The following WWOX variants were observed in gnomAD, a reference collection of about 807,000 sequenced individuals.
The protein encoded by WWOX is WW domain containing oxidoreductase.
A neutral mutation model predicts 46.2 loss-of-function variants in WWOX; 69 were observed. That is an observed-to-expected ratio of 1.49 (90% CI 1.23 to 1.82). The LOEUF is 1.82. WWOX is among the 40% of genes most tolerant of loss of function. The pLI, the probability that WWOX is intolerant of heterozygous loss-of-function variation, is 0.00. For missense variants in WWOX, 919 were observed against 542.6 expected (o/e 1.69, Z -6.89); for synonymous variants, 359 against 202.6 (o/e 1.77, Z -6.56).
In WWOX at chr16:78,455,106, G is replaced by T. The variant is rs143849859; in HGVS notation, c.1056+22354G>T. Among the ~76,000 whole-genome samples the T allele has an allele frequency of 3.4e-3, 524 of 152,322 alleles. 2 individuals are homozygous for T. Among genetic ancestry groups the T allele is most frequent in the Middle Eastern group, 0.01 (3 of 294 alleles). On this transcript the variant is annotated intron_variant, in intron 8 of 8. Transcript: ENST00000566780. ...AAAGGGAGGTGAGATGAGCAGCACT[G>T]GGATGTGTGGCTTTTCTGTCTTGAG...
intron 8 of WWOX, among the ~76,000 whole-genome samples, chr16:78,500,734 G>C (rs893029630): frequency 6.6e-6 from 1 of 152,192 alleles, no homozygotes; most frequent in African/African-American, 2.4e-5. Flanking sequence ...GGAAGCCCCA[G>C]TAATATCATT....
At chr16:78,942,024 TC>T (rs2045861430) in intron 8 of WWOX, among the ~76,000 whole-genome samples, 1 of 152,194 alleles carries the variant, frequency 6.6e-6, no homozygotes, top group Admixed American at 6.5e-5. Context: ...AGCATTTCTT[TC>T]CCACTCTCTA....
At chr16:78,667,746 T>G (rs2047366673) in intron 8 of WWOX, among the ~76,000 whole-genome samples, 1 of 152,056 alleles carries the variant, frequency 6.6e-6, no homozygotes, top group Non-Finnish European at 1.5e-5. Flanking sequence ...ACTCTGCTCA[T>G]TGTTCAAATG....
At chr16:78,717,401 T>G (rs1409948932) in intron 8 of WWOX, among the ~76,000 whole-genome samples, 2 of 152,182 alleles carry the variant, frequency 1.3e-5, no homozygotes, top group African/African-American at 4.8e-5. Context: ...ATTCATTGAC[T>G]TATAGACTGA....
chr16:78,356,639 T>A (rs1325460902), intron 5 of WWOX, among the ~76,000 whole-genome samples: 1 of 152,104 alleles, frequency 6.6e-6, no homozygotes, highest in African/African-American at 2.4e-5. Context: ...TCCAAGCACT[T>A]TGGGAGGCCA....
At chr16:78,416,487 C>G (rs1269458754) in intron 6 of WWOX, among the ~76,000 whole-genome samples, 1 of 152,182 alleles carries the variant, frequency 6.6e-6, no homozygotes, top group African/African-American at 2.4e-5. Flanking sequence ...GTGCAATTAA[C>G]ATTAATGAAG....
At chr16:78,623,210 T>C (rs138759453) in intron 8 of WWOX, among the ~76,000 whole-genome samples, 2 of 152,136 alleles carry the variant, frequency 1.3e-5, no homozygotes, top group East Asian at 1.9e-4. Context: ...ATAATAAATG[T>C]ATGTGGCTTT....
intron 8 of WWOX, among the ~76,000 whole-genome samples, chr16:79,186,139 G>C (rs1019189347): frequency 6.6e-6 from 1 of 152,136 alleles, no homozygotes; most frequent in African/African-American, 2.4e-5. Context: ...GTTCCTAAAG[G>C]ATACATCCAG....
intron 8 of WWOX, among the ~76,000 whole-genome samples, chr16:79,027,369 C>G (rs1253973620): frequency 2.0e-5 from 3 of 150,774 alleles, no homozygotes; most frequent in South Asian, 2.1e-4. Context: ...AATGAAAATT[C>G]TTCATTGTTA....
chr16:78,838,741 G>A (rs2052058948), intron 8 of WWOX, among the ~76,000 whole-genome samples: 1 of 152,184 alleles, frequency 6.6e-6, no homozygotes, highest in Non-Finnish European at 1.5e-5. Context: ...AACTCGGGAG[G>A]CTGAGACAGG....
chr16:78,668,108 G>T (rs139414083), intron 8 of WWOX, among the ~76,000 whole-genome samples: 1 of 151,986 alleles, frequency 6.6e-6, no homozygotes, highest in Non-Finnish European at 1.5e-5. Context: ...GTGAAGCCCC[G>T]TCTCTACTAA....
chr16:78,115,045 G>A lies in WWOX; in HGVS notation c.300G>A (p.Lys100=). 6.2e-7 allele frequency: 1 copy of A among 1,614,188 alleles called. No homozygotes were observed. Among genetic ancestry groups the A allele is most frequent in the Non-Finnish European group, 8.5e-7 (1 of 1,180,038 alleles). ...TTACTGTGGATGATAATCCGACCAAGCCAACCACCCGGCAAAGATACGACG... is the reference window on the plus strand; with the variant it reads ...TTACTGTGGATGATAATCCGACCAAACCAACCACCCGGCAAAGATACGACG... The part of the protein sequence containing the change: ...LAFTVDDNPT[K]PTTRQRYDGS... Residue 100 remains lysine (K), a synonymous_variant, in exon 4 of 9, where the codon AAG becomes AAA. Transcript: ENST00000566780.
At chr16:79,185,188 C>T (rs184705109) in intron 8 of WWOX, among the ~76,000 whole-genome samples, 250 of 152,244 alleles carry the variant, frequency 1.6e-3, no homozygotes, top group African/African-American at 5.6e-3. Context: ...TTTCTTTTCT[C>T]CTAGTTTCAG....
rs536669931 is a variant in WWOX at position 79,077,127 on chromosome 16, C to T, written c.1057-134481C>T. Among the ~76,000 whole-genome samples, 17 of 152,296 alleles carry T rather than the reference C, an allele frequency of 1.1e-4. No individual in the cohort carries two copies. In the East Asian group the frequency reaches 3.1e-3, roughly 28 times the overall value. ...AGGATTTGAACCCACTGCTCTCCAA[C>T]CCCTAAGCCCGTGCTTTGTAGAATT... On this transcript the variant is annotated intron_variant, in intron 8 of 8. Coordinates refer to ENST00000566780, the MANE Select transcript of WWOX (RefSeq NM_016373.4).
At chr16:78,813,467 A>C (rs531167798) in intron 8 of WWOX, among the ~76,000 whole-genome samples, 11 of 152,258 alleles carry the variant, frequency 7.2e-5, no homozygotes, top group African/African-American at 2.2e-4. Context: ...CATCTATTCT[A>C]ATTTCTGGGG....
At chr16:79,166,485 C>G (rs2050596879) in intron 8 of WWOX, among the ~76,000 whole-genome samples, 1 of 152,290 alleles carries the variant, frequency 6.6e-6, no homozygotes, top group Admixed American at 6.5e-5. Context: ...TCCTATTTTT[C>G]AACGAGAGTT....
chr16:78,358,482 A>T lies in WWOX; in HGVS notation c.517-28378A>T, dbSNP rs55969221. On this transcript the variant is annotated intron_variant, in intron 5 of 8. Coordinates refer to ENST00000566780, the MANE Select transcript of WWOX (RefSeq NM_016373.4). ...AGACCAGCCTGGCCAACATGGTGAA[A>T]CCCTGTCTCTACTAAAAATACAAAA... Among the ~76,000 whole-genome samples, 9 of 152,208 alleles carry T rather than the reference A, an allele frequency of 5.9e-5. 1 individual carries two copies. The South Asian group carries it at 1.9e-3, about 32-fold the overall frequency.
intron 5 of WWOX, among the ~76,000 whole-genome samples, chr16:78,226,221 G>T (rs2151802307): frequency 6.6e-6 from 1 of 152,194 alleles, no homozygotes; most frequent in African/African-American, 2.4e-5. Context: ...TCTCCAGTTT[G>T]AGTTTAGGTT....
In WWOX at chr16:78,734,841, CTTTTTTTTTTTTTTTTTTTTTTTTTT is replaced by C. The variant is rs60560119; in HGVS notation, c.1056+302106_1056+302131del. 5.0e-4 allele frequency among the ~76,000 whole-genome samples: 20 copies of C among 40,086 alleles called. No homozygotes were observed. The East Asian group carries it at 5.0e-3, about 10-fold the overall frequency. 26.3% of individuals were successfully genotyped at this position (40,086 alleles called of 152,430 possible). On this transcript the variant is annotated intron_variant, in intron 8 of 8. Transcript: ENST00000566780. Reference sequence around the variant, plus strand: ...GATGACTCAGGTGGGGACTTCAGTCCTTTTTTTTTTTTTTTTTTTTTTTTTTTTTTTTTTTTTTTTTTGAGATAGGG... The same window carrying C: ...GATGACTCAGGTGGGGACTTCAGTCCTTTTTTTTTTTTTTTTGAGATAGGG...
Sources: allele counts gnomAD v4.1 joint callset (sites outside exome capture counted in the v4.1 genomes callset), GRCh38; gene constraint gnomAD v4.1.1; transcripts MANE v1.5; gene names NCBI Gene and HGNC (gene_info 2026-07-23, HGNC 2026-07-21).